CDH4: variants seen among roughly 807,000 people sequenced by gnomAD.
CDH4 encodes the protein cadherin-4.
A neutral mutation model predicts 86.0 loss-of-function variants in CDH4; 33 were observed. That is an observed-to-expected ratio of 0.38 (90% CI 0.29 to 0.51). The LOEUF (loss-of-function observed/expected upper bound fraction) is 0.51. Among genes scored for constraint, CDH4 ranks in the 20% least tolerant of loss-of-function variants. The pLI is 0.86. For missense variants in CDH4, 1,114 were observed against 1,307.4 expected (o/e 0.85, Z 2.28); for synonymous variants, 555 against 549.4 (o/e 1.01, Z -0.14).
At position 61,754,309 on chromosome 20, in the gene CDH4, C is replaced by T. The variant is rs71323519; in HGVS notation, c.396+10520C>T. ...GTGCAGACAGACCCCAAGGCATCCC[C>T]GAAGGCAGGGAGGAGTGTCCCCAGC... is the stretch of plus-strand genomic sequence containing the variant. On this transcript the variant is annotated intron_variant, in intron 3 of 15. Transcript: ENST00000614565. This position sits in a 1 kb window ranked among gnomAD's most constrained non-coding sequence, Gnocchi z 4.7. Among the ~76,000 whole-genome samples the T allele has an allele frequency of 0.021, 3,213 of 152,244 alleles. 40 individuals carry two copies. Among genetic ancestry groups the T allele is most frequent in the Non-Finnish European group, 0.029 (1,996 of 67,986 alleles).
At chr20:61,486,002 T>C (rs1600707169) in intron 2 of CDH4, among the ~76,000 whole-genome samples, 1 of 152,192 alleles carries the variant, frequency 6.6e-6, no homozygotes, top group East Asian at 1.9e-4. Context: ...TTTTACTGGA[T>C]TGGGGTGCCA....
chr20:61,258,027 A>G (rs1326758850), intron 2 of CDH4, among the ~76,000 whole-genome samples: 4 of 152,218 alleles, frequency 2.6e-5, no homozygotes, highest in Admixed American at 6.5e-5. Context: ...TATGGGCCAC[A>G]GAGTATAGAA....
rs575595550 is a variant in CDH4, at chr20:61,429,233, A to G, written c.169+174296A>G. ...TGAGGTAGGGACCACCTTTATATCC[A>G]TCTCACAGATCAGACACATTTGAAA... On this transcript the variant is annotated intron_variant, in intron 2 of 15. Transcript: ENST00000614565. Among the ~76,000 whole-genome samples the G allele has an allele frequency of 2.6e-5, 4 of 152,264 alleles. No individual in the cohort carries two copies. The East Asian group carries it at 7.7e-4, about 29-fold the overall frequency.
At chr20:61,613,084 C>G (rs1398174960) in intron 2 of CDH4, among the ~76,000 whole-genome samples, 2 of 152,098 alleles carry the variant, frequency 1.3e-5, no homozygotes, top group Non-Finnish European at 2.9e-5. Context: ...CCTGCCCCTG[C>G]CGAGAGCGGT....
At chr20:61,789,847 T>TGTCTCTA (rs1979077745) in intron 4 of CDH4, among the ~76,000 whole-genome samples, 1 of 152,230 alleles carries the variant, frequency 6.6e-6, no homozygotes, top group South Asian at 2.1e-4. Flanking sequence ...CTGAAGACTT[T>TGTCTCTA]GTCTCTATAA....
rs753003786 is a variant in CDH4 at position 61,492,400 on chromosome 20, TTGA to T, written c.169+237466_169+237468del. On this transcript the variant is annotated intron_variant, in intron 2 of 15. Transcript: ENST00000614565. ...GTCAATATTGTTGATGTTAGTGGTG[TTGA>T]TGGTGGTGGTATTGATGTTGCTGAT... Among the ~76,000 whole-genome samples, 33 of 152,062 alleles carry T rather than the reference TTGA, an allele frequency of 2.2e-4. 1 individual carries two copies. In the South Asian group the frequency reaches 2.3e-3, roughly 11 times the overall value.
intron 2 of CDH4, among the ~76,000 whole-genome samples, chr20:61,723,201 A>C (rs962142115): frequency 1.3e-5 from 2 of 152,144 alleles, no homozygotes; most frequent in African/African-American, 2.4e-5. Flanking sequence ...ACACGGCTTC[A>C]TGGAGCCCTG....
intron 9 of CDH4, among the ~76,000 whole-genome samples, chr20:61,919,981 CGGT>C (rs2054951752): frequency 6.0e-4 from 1 of 1,674 alleles, no homozygotes; most frequent in Admixed American, 6.5e-3. Context: ...CGTGGTATCG[CGGT>C]GATTGCATGG....
chr20:61,462,033 G>A (rs1038629946), intron 2 of CDH4, among the ~76,000 whole-genome samples: 2 of 152,146 alleles, frequency 1.3e-5, no homozygotes, highest in East Asian at 1.9e-4. Flanking sequence ...ATTACTACAC[G>A]GCAGTAAGGC....
At chr20:61,764,498 G>T (rs1051716659) in intron 3 of CDH4, among the ~76,000 whole-genome samples, 2 of 152,096 alleles carry the variant, frequency 1.3e-5, no homozygotes, top group Admixed American at 1.3e-4. Context: ...GGCTGGAGAA[G>T]AGTTCATCCA....
chr20:61,451,898 G>T (rs1335144301), intron 2 of CDH4, among the ~76,000 whole-genome samples: 1 of 152,214 alleles, frequency 6.6e-6, no homozygotes, highest in African/African-American at 2.4e-5. Context: ...TAGGCACTTA[G>T]ATGATTTAGG....
rs180709389 is a variant in CDH4, at chr20:61,682,340, G to A, written c.170-61223G>A. Among the ~76,000 whole-genome samples the A allele has an allele frequency of 5.6e-3, 841 of 150,944 alleles. 10 individuals carry two copies. The highest frequency in any genetic ancestry group is 0.018 in the African/African-American group (724 of 40,726). ...AGGAGAGAGGGAGGGAGGGAGGAAG[G>A]GAGAGATAGATGAATGGATGGATGG... On this transcript the variant is annotated intron_variant, in intron 2 of 15. Coordinates refer to ENST00000614565, the MANE Select transcript of CDH4 (RefSeq NM_001794.5).
intron 2 of CDH4, among the ~76,000 whole-genome samples, chr20:61,265,974 C>T (rs955535908): frequency 6.6e-6 from 1 of 152,196 alleles, no homozygotes; most frequent in African/African-American, 2.4e-5. Flanking sequence ...GGTGAACTGC[C>T]TGGGAAGCCC....
intron 4 of CDH4, among the ~76,000 whole-genome samples, chr20:61,798,336 C>G (rs1037790098): frequency 2.0e-5 from 3 of 152,214 alleles, no homozygotes; most frequent in African/African-American, 7.2e-5. Flanking sequence ...TCAGCCTCTC[C>G]CTGGCCCCAC....
chr20:61,409,278 CAGAG>C (rs767956344), intron 2 of CDH4, among the ~76,000 whole-genome samples: 26 of 152,196 alleles, frequency 1.7e-4, no homozygotes, highest in Non-Finnish European at 2.9e-4. Context: ...AGCTGGGACT[CAGAG>C]AGAACTTCAC....
chr20:61,918,944 C>T (rs1476462794), intron 9 of CDH4, among the ~76,000 whole-genome samples: 1 of 152,204 alleles, frequency 6.6e-6, no homozygotes, highest in South Asian at 2.1e-4. Context: ...GATCACTGCT[C>T]ACTGCAGCCT....
chr20:61,346,823 T>C (rs967851997), intron 2 of CDH4, among the ~76,000 whole-genome samples: 2 of 151,972 alleles, frequency 1.3e-5, no homozygotes, highest in Non-Finnish European at 2.9e-5. Context: ...AGCCAGGCTC[T>C]GCGCTATGCA....
chr20:61,890,097 G>C (rs138524025), intron 7 of CDH4, among the ~76,000 whole-genome samples: 2 of 144,874 alleles, frequency 1.4e-5, no homozygotes, highest in African/African-American at 2.6e-5. Context: ...TGGATGGATG[G>C]ATGCATGGAT....
At chr20:61,680,041 C>G (rs534307214) in intron 2 of CDH4, among the ~76,000 whole-genome samples, 5 of 152,328 alleles carry the variant, frequency 3.3e-5, no homozygotes, top group South Asian at 4.2e-4. Flanking sequence ...CTGGGGCACC[C>G]GGCGGAGAGG....
Sources: gnomAD v4.1 joint callset for allele counts (sites outside exome capture counted in the v4.1 genomes callset) on GRCh38, gnomAD v4.1.1 for gene constraint, Gnocchi (gnomAD v3.1) non-coding constraint, MANE v1.5 for transcripts, NCBI Gene and HGNC (gene_info 2026-07-23, HGNC 2026-07-21) for gene names.